Variants in RASGRF1 observed in about 807,000 individuals in gnomAD.
RASGRF1 encodes Ras protein specific guanine nucleotide releasing factor 1, also known as ras-specific guanine nucleotide-releasing factor 1.
A neutral mutation model predicts 138.7 loss-of-function variants in RASGRF1; 40 were observed. That is an observed-to-expected ratio of 0.29 (90% CI 0.22 to 0.38). RASGRF1 has a LOEUF of 0.38. Among genes scored for constraint, RASGRF1 ranks in the 10% least tolerant of loss-of-function variants. RASGRF1 has a pLI of 1.00. For missense variants in RASGRF1, 1,108 were observed against 1,650.4 expected, an observed-to-expected ratio of 0.67 and a Z score of 5.69; for synonymous variants, 614 against 663.2, an observed-to-expected ratio of 0.93 and a Z score of 1.14.
intron 22 of RASGRF1, 45 bp downstream of exon 22, chr15:78,990,144 C>A (rs936856077): frequency 6.9e-7 from 1 of 1,454,846 alleles, no homozygotes; most frequent in African/African-American, 1.4e-5. Context: ...GAGCGTCTTG[C>A]CAAAGAAAAA....
At chr15:79,019,867 G>C (rs2056933967) in intron 11 of RASGRF1, among the ~76,000 whole-genome samples, 174 bp downstream of exon 11, 1 of 152,238 alleles carries the variant, frequency 6.6e-6, no homozygotes. Context: ...GCAAAGCCCA[G>C]CTGTAGCAGG....
At chr15:79,051,385 T>A (rs1285747014) in intron 3 of RASGRF1, among the ~76,000 whole-genome samples, 1 of 150,372 alleles carries the variant, frequency 6.7e-6, no homozygotes, top group Non-Finnish European at 1.5e-5. Flanking sequence ...CCCTTTTCGA[T>A]CCTTTGAGAA....
At chr15:79,013,984 A>G (rs2056839477) in intron 13 of RASGRF1, among the ~76,000 whole-genome samples, 1 of 152,252 alleles carries the variant, frequency 6.6e-6, no homozygotes, top group Non-Finnish European at 1.5e-5. Context: ...TCCTAATGTT[A>G]TATTTTAAAC....
intron 2 of RASGRF1, among the ~76,000 whole-genome samples, chr15:79,059,159 C>T (rs1402359962): frequency 1.3e-5 from 2 of 151,068 alleles, no homozygotes; most frequent in African/African-American, 2.4e-5. Flanking sequence ...CTTCCCTATC[C>T]TTCCCTTCCC....
intron 9 of RASGRF1, among the ~76,000 whole-genome samples, chr15:79,025,770 G>T (rs899445566): frequency 2.6e-5 from 4 of 152,118 alleles, no homozygotes; most frequent in African/African-American, 9.7e-5. Context: ...AGAATGAAGG[G>T]CTGGGCTGAG....
chr15:79,053,609 A>T (rs1390885144), intron 3 of RASGRF1, among the ~76,000 whole-genome samples: 1 of 152,182 alleles, frequency 6.6e-6, no homozygotes, highest in Non-Finnish European at 1.5e-5. Context: ...TCCTGATAGG[A>T]TTGTTTAGAA....
chr15:79,037,853 C>T (rs2057243430), intron 5 of RASGRF1, among the ~76,000 whole-genome samples: 1 of 151,958 alleles, frequency 6.6e-6, no homozygotes, highest in South Asian at 2.1e-4. Flanking sequence ...TGTTTTCCTG[C>T]AACTAGATGG....
At chr15:78,983,551 G>A (rs1035883816) in intron 23 of RASGRF1, among the ~76,000 whole-genome samples, 3 of 152,184 alleles carry the variant, frequency 2.0e-5, no homozygotes, top group Non-Finnish European at 4.4e-5. Context: ...ACTGAAGCCT[G>A]GTCTGCAGGG....
intron 11 of RASGRF1, among the ~76,000 whole-genome samples, chr15:79,019,093 C>T (rs7163079): frequency 0.31 from 46,851 of 151,776 alleles, 8,116 homozygotes; most frequent in African/African-American, 0.46. Flanking sequence ...GTTTGCCAAG[C>T]GTGTGTGTGG....
intron 2 of RASGRF1, among the ~76,000 whole-genome samples, chr15:79,059,232 C>T (rs1213270622): frequency 8.8e-6 from 1 of 114,176 alleles, no homozygotes; most frequent in African/African-American, 3.9e-5. Context: ...TCCTTCCCTT[C>T]CCTTCCCTTC....
intron 4 of RASGRF1, among the ~76,000 whole-genome samples, chr15:79,048,531 A>G (rs1273237195): frequency 6.6e-6 from 1 of 152,274 alleles, no homozygotes; most frequent in African/African-American, 2.4e-5. Flanking sequence ...TAGTGAGGAT[A>G]GAATTAATCT....
At chr15:79,076,914 C>T (rs1041320554) in intron 1 of RASGRF1, among the ~76,000 whole-genome samples, 2 of 152,190 alleles carry the variant, frequency 1.3e-5, no homozygotes, top group Admixed American at 6.5e-5. Flanking sequence ...ATGCGTTTGT[C>T]ACCACTGCCC....
rs550190533 is a variant in RASGRF1, at chr15:79,015,487, A to G, written c.1744-78T>C. On this transcript the variant is annotated intron_variant, in intron 12 of 26. Transcript: ENST00000558480. ...GCCCACCAGGAGCTCTGCCAACTGT[A>G]AAGTTCACATGCCTCAGTCTGATAC... The G allele has an allele frequency of 2.7e-5, 36 of 1,314,590 alleles. 1 individual carries two copies. In the Admixed American group the frequency reaches 4.4e-4, roughly 16 times the overall value. The allele number at this position is 1,314,590 out of a possible 1,614,324, so 81.4% of individuals were successfully genotyped here. A position where few individuals can be genotyped will look rare whatever the true frequency, so the allele number is the denominator to read the frequency against.
At chr15:78,966,044 C>G (rs1183102567) in intron 26 of RASGRF1, among the ~76,000 whole-genome samples, 1 of 152,002 alleles carries the variant, frequency 6.6e-6, no homozygotes, top group Non-Finnish European at 1.5e-5. Flanking sequence ...CAGGCTCTGG[C>G]TTGCTGCTGT....
In RASGRF1 at chr15:79,053,234, C is replaced by T. The variant is rs1000097894; in HGVS notation, c.532-3646G>A. ...GAGCCGAGATTGTGCCATTGCGCTCCAGCCTGGGCGACAAGATCGAAAAAA... is the reference window on the plus strand; with the variant it reads ...GAGCCGAGATTGTGCCATTGCGCTCTAGCCTGGGCGACAAGATCGAAAAAA... On this transcript the variant is annotated intron_variant, in intron 3 of 26. Coordinates refer to ENST00000558480, the MANE Select transcript of RASGRF1 (RefSeq NM_001145648.3). Among the ~76,000 whole-genome samples the T allele has an allele frequency of 8.5e-5, 13 of 152,198 alleles. 1 individual carries two copies. The highest frequency in any genetic ancestry group is 3.1e-4 in the African/African-American group (13 of 41,518).
At chr15:79,030,149 C>A (rs1417556903) in intron 8 of RASGRF1, among the ~76,000 whole-genome samples, 2 of 152,220 alleles carry the variant, frequency 1.3e-5, no homozygotes, top group African/African-American at 4.8e-5. Flanking sequence ...GGATCGGGGG[C>A]AGCCTATACC....
At position 78,978,215 on chromosome 15, in the gene RASGRF1, C is replaced by CTTT. The variant is rs2055915117; in HGVS notation, c.3494+2402_3494+2404dup. Among the ~76,000 whole-genome samples the CTTT allele has an allele frequency of 1.4e-3, 114 of 79,336 alleles. 4 individuals carry two copies. The highest frequency in any genetic ancestry group is 5.5e-3 in the African/African-American group (108 of 19,614). 52.0% of individuals were successfully genotyped at this position (79,336 alleles called of 152,430 possible). A position where few individuals can be genotyped will look rare whatever the true frequency, so the allele number is the denominator to read the frequency against. ...TTTTTCTTCTTTTTCTTTTTCTTTT[C>CTTT]TTTTGTTTTTTTTTTTTTTTTTTTT... On this transcript the variant is annotated intron_variant, in intron 24 of 26. Coordinates refer to ENST00000558480, the MANE Select transcript of RASGRF1 (RefSeq NM_001145648.3).
intron 20 of RASGRF1, 105 bp downstream of exon 20, chr15:78,995,635 C>G (rs1198269310): frequency 1.5e-6 from 2 of 1,370,280 alleles, no homozygotes; most frequent in African/African-American, 2.9e-5. Context: ...TTTTTCACAA[C>G]AGCCACAGAA....
chr15:78,998,146 G>C lies in RASGRF1; in HGVS notation c.2916C>G (p.His972Gln). The C allele has an allele frequency of 6.2e-7, 1 of 1,614,180 alleles. No individual in the cohort carries two copies. Residue 972 changes from histidine to glutamine, a missense_variant, in exon 19 of 27, where the codon CAC (histidine) becomes CAG (glutamine). Physicochemically the swap from His to Gln is conservative, Grantham distance 24. Around this residue, in one of 3 missense-constraint regions of RASGRF1, gnomAD observed 686 missense variants for 976.7 expected, o/e 0.70. Coordinates refer to ENST00000558480, the MANE Select transcript of RASGRF1 (RefSeq NM_001145648.3). ...KVIGFLEEVM[H>Q]DPELLTQERK... is the part of the protein sequence containing the mutation. ...GCTCCTGGGTCAGGAGCTCCGGGTC[G>C]TGCATGACTTCTTCCAGGAAGCCGA...
Sources: allele counts gnomAD v4.1 joint callset (sites outside exome capture counted in the v4.1 genomes callset), GRCh38; gene constraint gnomAD v4.1.1; regional missense constraint gnomAD v4.1.1; transcripts MANE v1.5; gene names NCBI Gene and HGNC (gene_info 2026-07-23, HGNC 2026-07-21).